The following MLXIPL variants were observed in gnomAD, a reference collection of about 807,000 sequenced individuals.
MLXIPL encodes carbohydrate-responsive element-binding protein.
In MLXIPL, 49 loss-of-function variants were observed where a neutral mutation model predicts 81.5. The observed-to-expected ratio is 0.60, with a 90% CI of 0.48 to 0.76. The LOEUF is 0.76. Ranked by LOEUF, MLXIPL falls within the 30% of genes least tolerant of loss-of-function variation. The pLI, the probability that MLXIPL is intolerant of heterozygous loss-of-function variation, is 0.00. For missense variants in MLXIPL, 1,053 were observed against 1,167.0 expected (o/e 0.90, Z 1.42); for synonymous variants, 466 against 485.5 (o/e 0.96, Z 0.53).
In MLXIPL at chr7:73,599,635, G is replaced by C. The variant is rs782034969; in HGVS notation, c.962C>G (p.Pro321Arg). 83 of 1,609,774 alleles carry C rather than the reference G, an allele frequency of 5.2e-5. No individual in the cohort carries two copies. In the South Asian group the frequency reaches 7.3e-4, roughly 14 times the overall value. Residue 321 changes from proline to arginine, a missense_variant, in exon 8 of 17, where the codon CCC becomes CGC. Around this residue, in one of 3 missense-constraint regions of MLXIPL, gnomAD observed 823 missense variants for 933.0 expected, o/e 0.88. Transcript: ENST00000313375. ...PPMPSNFPEP[P>R]SFSPVVDSLF... ...GGAGTCAACCACGGGGCTGAAGCTG[G>C]GGGGCTCTGGGAAGTTTGAAGGCAT...
intron 2 of MLXIPL, among the ~76,000 whole-genome samples, chr7:73,612,008 G>A (rs782370485): frequency 6.8e-4 from 103 of 151,758 alleles, no homozygotes; most frequent in Admixed American, 9.8e-4. Flanking sequence ...CTTTCCAGAT[G>A]AGGAAATGAA....
chr7:73,613,962 C>G (rs1795851036), intron 2 of MLXIPL, among the ~76,000 whole-genome samples: 1 of 152,126 alleles, frequency 6.6e-6, no homozygotes, highest in Non-Finnish European at 1.5e-5. Context: ...CATGGTGAAA[C>G]CCTGTCTCCA....
chr7:73,606,027 C>A lies in MLXIPL; in HGVS notation c.703G>T (p.Glu235Ter). The change falls in exon 6 of 17, where the codon GAG (glutamate) becomes TAG (stop). Residue 235 changes from glutamate (E) to a stop codon, truncating the protein, a stop_gained. Coordinates refer to ENST00000313375, the MANE Select transcript of MLXIPL (RefSeq NM_032951.3). LOFTEE classifies it high-confidence loss of function. Reference sequence around the variant, plus strand: ...AGGAGCTGCCGCCCACCCGGCTCCTCCTCTGGGTCCCCCAGCAGCACGGGG... The same window carrying A: ...AGGAGCTGCCGCCCACCCGGCTCCTACTCTGGGTCCCCCAGCAGCACGGGG... Reference protein sequence around the residue: ...VVPVLLGDPEEEPGGRQLLDL... With the variant: ...VVPVLLGDPE The A allele has an allele frequency of 6.3e-7, 1 of 1,588,770 alleles. No homozygotes were observed.
chr7:73,614,250 C>T (rs1465445269), intron 2 of MLXIPL, among the ~76,000 whole-genome samples: 1 of 152,032 alleles, frequency 6.6e-6, no homozygotes, highest in Non-Finnish European at 1.5e-5. Flanking sequence ...AAACCCCCCC[C>T]ACCGCCATAA....
In MLXIPL at chr7:73,593,373, G is replaced by A; in HGVS notation, c.*492C>T. 1 of 234,528 alleles carries A rather than the reference G, an allele frequency of 4.3e-6. No individual in the cohort carries two copies. The allele number at this position is 234,528 out of a possible 1,614,324, so 14.5% of individuals were successfully genotyped here. ...GGAAACCATCCTGCAGCCCCTCTGG[G>A]TCAGCAGTGAAGGAGCAGAGAGAGG... On this transcript the variant is annotated 3_prime_UTR_variant, in exon 17 of 17. Transcript: ENST00000313375.
At chr7:73,597,063 C>G (rs886734637) in intron 9 of MLXIPL, 119 bp downstream of exon 9, 4 of 1,449,532 alleles carry the variant, frequency 2.8e-6, no homozygotes, top group Non-Finnish European at 3.8e-6. Context: ...TTCCTTGCCA[C>G]TCTGTCCCTT....
At chr7:73,640,803 A>G in the MLXIPL span, among the ~76,000 whole-genome samples, 5 of 151,932 alleles carry the variant, frequency 3.3e-5, no homozygotes, top group East Asian at 9.7e-4. Flanking sequence ...AAGGAGAAAA[A>G]AAAGAACAGA....
intron 1 of MLXIPL, among the ~76,000 whole-genome samples, chr7:73,618,817 G>A (rs1332010939): frequency 6.6e-6 from 1 of 152,104 alleles, no homozygotes; most frequent in Non-Finnish European, 1.5e-5. Flanking sequence ...CTGTATCCCA[G>A]CAACCTCCCA....
chr7:73,631,346 A>G, the MLXIPL span, among the ~76,000 whole-genome samples: 1 of 152,002 alleles, frequency 6.6e-6, no homozygotes, highest in Admixed American at 6.6e-5. Flanking sequence ...AGCAATGAGA[A>G]TGAACACTCT....
intron 2 of MLXIPL, chr7:73,611,594 T>C (rs1322904587): frequency 1.3e-5 from 2 of 152,172 alleles, no homozygotes; most frequent in African/African-American, 2.4e-5. Context: ...GGCCGGCGTA[T>C]CACTTGAATC....
chr7:73,605,730 T>C lies in MLXIPL; in HGVS notation c.859A>G (p.Thr287Ala). 6.2e-7 allele frequency: 1 copy of C among 1,613,576 alleles called. No homozygotes were observed. ...TCATCCAGGCTTGGCTGCAGTGGCG[T>C]CAGGTCCGGCTGGATCATGTCAGCA... ...GNADMIQPDLTPLQPSLDDFM... is the reference protein window; with the variant it reads ...GNADMIQPDLAPLQPSLDDFM... The change falls in exon 7 of 17, where the codon ACG (threonine) becomes GCG (alanine). Residue 287 changes from threonine (T) to alanine (A), a missense_variant. Thr to Ala is a moderately conservative substitution (Grantham distance 58). Around this residue, in one of 3 missense-constraint regions of MLXIPL, gnomAD observed 823 missense variants for 933.0 expected, o/e 0.88. Transcript: ENST00000313375.
chr7:73,623,108 C>T lies in MLXIPL; in HGVS notation c.293+1092G>A, dbSNP rs1023047666. 8.5e-5 allele frequency among the ~76,000 whole-genome samples: 13 copies of T among 152,154 alleles called. 1 individual carries two copies. The South Asian group carries it at 1.2e-3, about 15-fold the overall frequency. Reference sequence around the variant, plus strand: ...CCAGAGCTTGTGGGCCAAGGTTACTCCGCCTCCAGCCAATGGGGTCGCAGC... The same window carrying T: ...CCAGAGCTTGTGGGCCAAGGTTACTTCGCCTCCAGCCAATGGGGTCGCAGC... On this transcript the variant is annotated intron_variant, in intron 1 of 16. Transcript: ENST00000313375. The surrounding 1 kb of genome is among the most constrained non-coding windows in gnomAD (Gnocchi z 5.7).
chr7:73,631,946 C>CTTTTCTCTTT, the MLXIPL span, among the ~76,000 whole-genome samples: 137 of 98,774 alleles, frequency 1.4e-3, no homozygotes, highest in South Asian at 3.5e-3. Flanking sequence ...CTCTTCTTTT[C>CTTTTCTCTTT]TCTTTTCTTT....
At chr7:73,639,413 C>T in the MLXIPL span, among the ~76,000 whole-genome samples, 1 of 152,172 alleles carries the variant, frequency 6.6e-6, no homozygotes, top group South Asian at 2.1e-4. Flanking sequence ...TAGTGAAAAG[C>T]AGCATGGTTG....
At chr7:73,603,756 C>T (rs1795073602) in intron 7 of MLXIPL, among the ~76,000 whole-genome samples, 1 of 152,152 alleles carries the variant, frequency 6.6e-6, no homozygotes, top group Non-Finnish European at 1.5e-5. Context: ...ACCTGCAAGA[C>T]CTACAGCGAA....
At chr7:73,613,619 A>G (rs1191117529) in intron 2 of MLXIPL, among the ~76,000 whole-genome samples, 3 of 152,150 alleles carry the variant, frequency 2.0e-5, no homozygotes, top group African/African-American at 7.2e-5. Context: ...CCAAGAAAAA[A>G]CAAATAGGAC....
chr7:73,613,747 G>A (rs971402589), intron 2 of MLXIPL, among the ~76,000 whole-genome samples: 10 of 152,186 alleles, frequency 6.6e-5, no homozygotes, highest in Non-Finnish European at 1.0e-4. Flanking sequence ...GTCTGATTCC[G>A]AACCTGGGGT....
rs1010180371 is a variant in MLXIPL at position 73,595,293 on chromosome 7, T to C, written c.2310+344A>G. On this transcript the variant is annotated intron_variant, in intron 15 of 16. Transcript: ENST00000313375. Reference sequence around the variant, plus strand: ...TGGGCTCAGTCAAGAACTTGACCCCTGAGCCAGATCAGGGAGTGGATTCCA... The same window carrying C: ...TGGGCTCAGTCAAGAACTTGACCCCCGAGCCAGATCAGGGAGTGGATTCCA... 2.0e-5 allele frequency among the ~76,000 whole-genome samples: 3 copies of C among 152,234 alleles called. No individual in the cohort carries two copies. In the East Asian group the frequency reaches 5.8e-4, roughly 29 times the overall value.
the MLXIPL span, among the ~76,000 whole-genome samples, chr7:73,638,905 A>C: frequency 9.9e-5 from 15 of 152,228 alleles, no homozygotes; most frequent in Admixed American, 9.8e-4. Context: ...ATGAGCCACC[A>C]TGCTGGGGCT....
Sources: gnomAD v4.1 joint callset for allele counts (sites outside exome capture counted in the v4.1 genomes callset) on GRCh38, gnomAD v4.1.1 for gene constraint, gnomAD v4.1.1 regional missense constraint, Gnocchi (gnomAD v3.1) non-coding constraint, MANE v1.5 for transcripts, NCBI Gene and HGNC (gene_info 2026-07-23, HGNC 2026-07-21) for gene names.